NOL4: variants seen among roughly 807,000 people sequenced by gnomAD.
The protein encoded by NOL4 is cancer/testis antigen 125.
In NOL4, 17 loss-of-function variants were observed where a neutral mutation model predicts 75.9. That is an observed-to-expected ratio of 0.22 (90% CI 0.15 to 0.34). The LOEUF (loss-of-function observed/expected upper bound fraction) is 0.34. Among genes scored for constraint, NOL4 ranks in the 10% least tolerant of loss-of-function variants. The pLI, the probability that NOL4 is intolerant of heterozygous loss-of-function variation, is 1.00. For synonymous variants in NOL4, 292 were observed against 289.9 expected, an observed-to-expected ratio of 1.01 and a Z score of -0.07; for missense variants, 614 against 793.5, an observed-to-expected ratio of 0.77 and a Z score of 2.72.
intron 9 of NOL4, among the ~76,000 whole-genome samples, chr18:33,899,211 TC>T (rs989769365): frequency 2.0e-5 from 3 of 152,122 alleles, no homozygotes; most frequent in African/African-American, 7.2e-5. Flanking sequence ...TTTCATGGCC[TC>T]CTAAGCCCCT....
intron 1 of NOL4, among the ~76,000 whole-genome samples, chr18:34,195,406 A>C (rs2035254594): frequency 6.6e-6 from 1 of 152,168 alleles, no homozygotes; most frequent in Non-Finnish European, 1.5e-5. Context: ...AAATAATCTA[A>C]GGATGACTCT....
At chr18:33,999,143 G>GC (rs2073508484) in intron 6 of NOL4, among the ~76,000 whole-genome samples, 1 of 133,592 alleles carries the variant, frequency 7.5e-6, no homozygotes, top group African/African-American at 2.7e-5. Flanking sequence ...ATAATGCTGA[G>GC]TTTTTTTTTT....
chr18:34,211,693 A>T (rs2036526668), intron 1 of NOL4, among the ~76,000 whole-genome samples: 1 of 152,230 alleles, frequency 6.6e-6, no homozygotes, highest in South Asian at 2.1e-4. Context: ...AAAAACTCGT[A>T]ACTGTGAGAA....
chr18:33,942,989 T>C (rs1407874620), intron 9 of NOL4, 76 bp downstream of exon 9: 2 of 979,002 alleles, frequency 2.0e-6, no homozygotes, highest in Non-Finnish European at 1.6e-6. Flanking sequence ...GAGCTTTTAC[T>C]CTTCAACATA....
rs1290547430 is a variant in NOL4, at chr18:34,033,893, C to T, written c.773-14292G>A. Among the ~76,000 whole-genome samples the T allele has an allele frequency of 2.6e-5, 4 of 151,746 alleles. 1 individual carries two copies. Among genetic ancestry groups the T allele is most frequent in the African/African-American group, 9.7e-5 (4 of 41,378 alleles). On this transcript the variant is annotated intron_variant, in intron 5 of 10. Coordinates refer to ENST00000261592, the MANE Select transcript of NOL4 (RefSeq NM_003787.5). The stretch of plus-strand genomic sequence containing the variant: ...CCAGTAGAGAATAGGATGACATATT[C>T]AAAGTGCTAAAAAGAAAAAAAAAAT...
chr18:33,932,558 G>A (rs1042099082), intron 9 of NOL4, among the ~76,000 whole-genome samples: 1 of 151,736 alleles, frequency 6.6e-6, no homozygotes, highest in South Asian at 2.1e-4. Flanking sequence ...ATTTTCATAT[G>A]CAAATTATGA....
chr18:33,877,022 G>A (rs999288262), intron 10 of NOL4, among the ~76,000 whole-genome samples: 2 of 152,016 alleles, frequency 1.3e-5, no homozygotes, highest in African/African-American at 2.4e-5. Context: ...TTTGATCTTT[G>A]TTGTTGTTAT....
rs148418560 is a variant in NOL4 at position 33,944,593 on chromosome 18, G to T, written c.1429-1415C>A. On this transcript the variant is annotated intron_variant, in intron 8 of 10. Transcript: ENST00000261592. The stretch of plus-strand genomic sequence containing the variant: ...ACCCCATGGGACATCTCAAATGATG[G>T]TTACACTACTTTGACAATAAAGCAG... Among the ~76,000 whole-genome samples the T allele has an allele frequency of 1.5e-3, 230 of 151,916 alleles. 2 individuals are homozygous for T. Among genetic ancestry groups the T allele is most frequent in the African/African-American group, 5.2e-3 (215 of 41,474 alleles).
At chr18:33,854,771 G>C (rs2062765794) in intron 10 of NOL4, among the ~76,000 whole-genome samples, 1 of 151,602 alleles carries the variant, frequency 6.6e-6, no homozygotes, top group South Asian at 2.1e-4. Flanking sequence ...GTAACATTTT[G>C]ATGGTTTTTG....
At chr18:33,955,080 G>C (rs1301215127) in intron 8 of NOL4, among the ~76,000 whole-genome samples, 1 of 152,068 alleles carries the variant, frequency 6.6e-6, no homozygotes, top group Non-Finnish European at 1.5e-5. Flanking sequence ...CATCAATTAA[G>C]TTAATTGGTG....
chr18:34,096,402 TTAA>T (rs1359659124), intron 4 of NOL4, among the ~76,000 whole-genome samples: 1 of 152,102 alleles, frequency 6.6e-6, no homozygotes, highest in African/African-American at 2.4e-5. Context: ...TCTAGTTTAG[TTAA>T]TAATTGATTA....
At chr18:34,182,309 C>T (rs1312450479) in intron 1 of NOL4, among the ~76,000 whole-genome samples, 3 of 151,372 alleles carry the variant, frequency 2.0e-5, no homozygotes, top group Admixed American at 6.6e-5. Flanking sequence ...TAGGAAGTTC[C>T]CATACTGTAT....
chr18:33,976,027 T>C (rs1415951192), intron 6 of NOL4, among the ~76,000 whole-genome samples: 1 of 152,176 alleles, frequency 6.6e-6, no homozygotes, highest in African/African-American at 2.4e-5. Flanking sequence ...AAAGAGTTTT[T>C]TGAGGATGGA....
Position 34,104,172 on chromosome 18 carries a change from A to C in NOL4, c.527-13T>G. On this transcript the variant is annotated splice_polypyrimidine_tract_variant and intron_variant, in intron 3 of 10. Transcript: ENST00000261592. ...GGTTTTCCATTATCTGTAATAAAAC[A>C]TTTTTAATGGGTAATGAAAGTAATA... 2.7e-6 allele frequency: 4 copies of C among 1,464,834 alleles called. No individual in the cohort carries two copies. Among genetic ancestry groups the C allele is most frequent in the Non-Finnish European group, 3.8e-6 (4 of 1,045,196 alleles). 90.7% of individuals were successfully genotyped at this position (1,464,834 alleles called of 1,614,324 possible).
chr18:34,096,587 C>T (rs188488082), intron 4 of NOL4, among the ~76,000 whole-genome samples: 31 of 152,132 alleles, frequency 2.0e-4, no homozygotes, highest in African/African-American at 7.0e-4. Context: ...TCATGATTAT[C>T]TCTAGACCAT....
At chr18:34,106,001 C>T in intron 2 of NOL4, among the ~76,000 whole-genome samples, 1 of 152,048 alleles carries the variant, frequency 6.6e-6, no homozygotes, top group South Asian at 2.1e-4. Flanking sequence ...CTGACAGTGA[C>T]TCAGACAGTG....
intron 1 of NOL4, among the ~76,000 whole-genome samples, chr18:34,131,826 G>T (rs2080665663): frequency 1.3e-5 from 2 of 152,278 alleles, no homozygotes; most frequent in Admixed American, 1.3e-4. Flanking sequence ...GCTGGAGTTA[G>T]CAAGATGTGT....
intron 5 of NOL4, among the ~76,000 whole-genome samples, chr18:34,044,201 A>G (rs758237485): frequency 5.3e-5 from 8 of 152,078 alleles, no homozygotes; most frequent in Admixed American, 2.6e-4. Flanking sequence ...ACAACTGTTA[A>G]TTGTTGATGC....
chr18:34,201,675 C>A (rs2035752853), intron 1 of NOL4, among the ~76,000 whole-genome samples: 1 of 151,716 alleles, frequency 6.6e-6, no homozygotes, highest in African/African-American at 2.4e-5. Context: ...AGGCCACATT[C>A]AATACATTCC....
Sources: allele counts gnomAD v4.1 joint callset (sites outside exome capture counted in the v4.1 genomes callset), GRCh38; gene constraint gnomAD v4.1.1; transcripts MANE v1.5; gene names NCBI Gene and HGNC (gene_info 2026-07-23, HGNC 2026-07-21).